Variants in PARVA observed in about 807,000 individuals in gnomAD.
PARVA encodes alpha-parvin.
In PARVA, 25 loss-of-function variants were observed where a neutral mutation model predicts 52.6. That is an observed-to-expected ratio of 0.48 (90% CI 0.35 to 0.66). The LOEUF is 0.66. PARVA is among the 30% of genes least tolerant of loss of function. The pLI is 0.01. For synonymous variants in PARVA, 185 were observed against 179.1 expected, an observed-to-expected ratio of 1.03 and a Z score of -0.26; for missense variants, 373 against 450.9, an observed-to-expected ratio of 0.83 and a Z score of 1.56.
chr11:12,427,146 G>A (rs1489057370), intron 1 of PARVA, among the ~76,000 whole-genome samples: 1 of 152,098 alleles, frequency 6.6e-6, no homozygotes, highest in Non-Finnish European at 1.5e-5. Flanking sequence ...TAATATAGTA[G>A]AGCTACTGAA....
chr11:12,448,713 A>G (rs1398500388), intron 1 of PARVA, among the ~76,000 whole-genome samples: 2 of 152,226 alleles, frequency 1.3e-5, no homozygotes, highest in Admixed American at 6.5e-5. Context: ...TTACAGCTGA[A>G]GGTCAGCTGG....
At position 12,531,177 on chromosome 11, in the gene PARVA, G is replaced by A. The variant is rs1941767698; in HGVS notation, c.*3252G>A. 6.6e-6 allele frequency among the ~76,000 whole-genome samples: 1 copy of A among 152,206 alleles called. No homozygotes were observed. The highest frequency in any genetic ancestry group is 1.5e-5 in the Non-Finnish European group (1 of 68,036). ...GCAGTGCTCGCCTGCTATATTAGAA[G>A]GCTCCAGTTTCACATGTGCAGGCAC... On this transcript the variant is annotated 3_prime_UTR_variant, in exon 13 of 13. Transcript: ENST00000334956.
intron 1 of PARVA, among the ~76,000 whole-genome samples, chr11:12,396,036 T>G (rs182867435): frequency 2.6e-3 from 389 of 152,300 alleles, no homozygotes; most frequent in Admixed American, 4.7e-3. Context: ...GTATCCAACA[T>G]ATGTCAAGCA....
At chr11:12,517,303 A>ACCCCCCCCCCCCCCCCCCC (rs1564869136) in intron 10 of PARVA, among the ~76,000 whole-genome samples, 4 of 112,486 alleles carry the variant, frequency 3.6e-5, no homozygotes, top group Admixed American at 9.2e-5. Flanking sequence ...AGCCACACTG[A>ACCCCCCCCCCCCCCCCCCC]CCACCCCCCA....
intron 1 of PARVA, among the ~76,000 whole-genome samples, chr11:12,469,171 G>T (rs1940896666): frequency 6.6e-6 from 1 of 152,222 alleles, no homozygotes; most frequent in Non-Finnish European, 1.5e-5. Flanking sequence ...ACTTACATAA[G>T]GTTCCACAGC....
At chr11:12,412,709 A>C (rs764942762) in intron 1 of PARVA, among the ~76,000 whole-genome samples, 1 of 151,896 alleles carries the variant, frequency 6.6e-6, no homozygotes, top group Non-Finnish European at 1.5e-5. Flanking sequence ...AAAGGGACAA[A>C]AGATCCTGAG....
intron 1 of PARVA, among the ~76,000 whole-genome samples, chr11:12,421,215 G>C (rs1018574824): frequency 6.6e-6 from 1 of 151,962 alleles, no homozygotes; most frequent in African/African-American, 2.4e-5. Context: ...GGCTATCCAA[G>C]CATGGTACCC....
intron 1 of PARVA, among the ~76,000 whole-genome samples, chr11:12,453,224 G>T (rs528718690): frequency 2.0e-5 from 3 of 150,650 alleles, no homozygotes; most frequent in South Asian, 2.1e-4. Flanking sequence ...AGGTAGCTAT[G>T]GGGGGTAGGT....
chr11:12,440,533 T>C (rs1564847424), intron 1 of PARVA, among the ~76,000 whole-genome samples: 1 of 152,244 alleles, frequency 6.6e-6, no homozygotes, highest in Non-Finnish European at 1.5e-5. Context: ...CCCAGTTCTA[T>C]AGGTCAGAAG....
chr11:12,401,266 A>G (rs751094501), intron 1 of PARVA, among the ~76,000 whole-genome samples: 3 of 152,232 alleles, frequency 2.0e-5, no homozygotes, highest in Non-Finnish European at 4.4e-5. Flanking sequence ...TCTGTTTTAC[A>G]TTTAGGAAAG....
chr11:12,391,324 A>G (rs936073847), intron 1 of PARVA, among the ~76,000 whole-genome samples: 6 of 152,176 alleles, frequency 3.9e-5, no homozygotes, highest in Admixed American at 3.9e-4. Flanking sequence ...ACAGGAGTCC[A>G]GGGCCATGAA....
intron 1 of PARVA, among the ~76,000 whole-genome samples, chr11:12,458,964 G>A (rs1379726798): frequency 6.6e-6 from 1 of 152,100 alleles, no homozygotes; most frequent in Non-Finnish European, 1.5e-5. Flanking sequence ...TACTTTCTTT[G>A]TTCTTCTTTC....
In PARVA at chr11:12,508,571, AC is replaced by A. The variant is rs1306198789; in HGVS notation, c.658-8del. ...TCTTCTCCTCCCAACCCCTTTCCCC[AC>A]CCCCATTTCAGAAACGAGAAGGAAT... On this transcript the variant is annotated splice_polypyrimidine_tract_variant and intron_variant, in intron 6 of 12. Coordinates refer to ENST00000334956, the MANE Select transcript of PARVA (RefSeq NM_018222.5). 6.3e-7 allele frequency: 1 copy of A among 1,598,006 alleles called. No individual in the cohort carries two copies. Among genetic ancestry groups the A allele is most frequent in the Non-Finnish European group, 8.6e-7 (1 of 1,167,974 alleles).
At chr11:12,527,333 G>A (rs1658823051) in intron 12 of PARVA, among the ~76,000 whole-genome samples, 1 of 152,058 alleles carries the variant, frequency 6.6e-6, no homozygotes. Flanking sequence ...AGCGAGAGAG[G>A]GAATGGTAGC....
At chr11:12,462,733 C>T (rs991599767) in intron 1 of PARVA, among the ~76,000 whole-genome samples, 3 of 152,260 alleles carry the variant, frequency 2.0e-5, no homozygotes, top group Admixed American at 6.5e-5. Flanking sequence ...AAAAGACCAC[C>T]GAACTTTCAG....
At chr11:12,475,415 A>G (rs1345522993) in intron 3 of PARVA, among the ~76,000 whole-genome samples, 1 of 152,062 alleles carries the variant, frequency 6.6e-6, no homozygotes, top group Non-Finnish European at 1.5e-5. Flanking sequence ...TGTCTCCTTT[A>G]CTAAATGGTG....
chr11:12,517,940 C>T (rs1423679144), intron 11 of PARVA, among the ~76,000 whole-genome samples: 3 of 152,192 alleles, frequency 2.0e-5, no homozygotes, highest in Non-Finnish European at 4.4e-5. Flanking sequence ...GGCCCGGGTC[C>T]CCTGCCCTGT....
intron 1 of PARVA, among the ~76,000 whole-genome samples, chr11:12,445,740 T>G (rs1283831776): frequency 2.0e-5 from 3 of 152,126 alleles, no homozygotes; most frequent in Non-Finnish European, 4.4e-5. Context: ...ACGTTTAAAA[T>G]AACAGCCGGC....
chr11:12,469,732 T>G (rs1589969573), intron 1 of PARVA, among the ~76,000 whole-genome samples: 1 of 152,354 alleles, frequency 6.6e-6, no homozygotes. Context: ...AATCGTTTCC[T>G]GAAAAAAACA....
Sources: allele counts gnomAD v4.1 joint callset (sites outside exome capture counted in the v4.1 genomes callset), GRCh38; gene constraint gnomAD v4.1.1; transcripts MANE v1.5; gene names NCBI Gene and HGNC (gene_info 2026-07-23, HGNC 2026-07-21).